ESRRB: variants seen among roughly 807,000 people sequenced by gnomAD.
The protein encoded by ESRRB is steroid hormone receptor ERR2.
A neutral mutation model predicts 46.0 loss-of-function variants in ESRRB; 16 were observed. That is an observed-to-expected ratio of 0.35 (90% CI 0.24 to 0.53). The LOEUF is 0.53. ESRRB is among the 20% of genes least tolerant of loss of function. The pLI, the probability that ESRRB is intolerant of heterozygous loss-of-function variation, is 0.93. For missense variants in ESRRB, 488 were observed against 607.4 expected (o/e 0.80, Z 2.07); for synonymous variants, 246 against 259.6 (o/e 0.95, Z 0.50).
chr14:76,332,791 AAT>A (rs369510698), intron 1 of ESRRB, among the ~76,000 whole-genome samples: 2 of 8,714 alleles, frequency 2.3e-4, no homozygotes. Context: ...ATTATATATA[AAT>A]ATATAATATA....
chr14:76,456,038 G>GCA (rs60824171), intron 2 of ESRRB, among the ~76,000 whole-genome samples: 7,348 of 137,148 alleles, frequency 0.054, 210 homozygotes, highest in South Asian at 0.079. Context: ...AGCGAAACTC[G>GCA]CACACACACA....
chr14:76,330,111 T>G (rs1436711146), intron 1 of ESRRB, among the ~76,000 whole-genome samples: 1 of 151,940 alleles, frequency 6.6e-6, no homozygotes, highest in Non-Finnish European at 1.5e-5. Context: ...CAGGGAGCCC[T>G]CCCTCTCTCT....
At chr14:76,315,832 C>A (rs1171763683) in intron 1 of ESRRB, among the ~76,000 whole-genome samples, 1 of 152,294 alleles carries the variant, frequency 6.6e-6, no homozygotes, top group African/African-American at 2.4e-5. Context: ...GACCTTACAG[C>A]ACTGTTTAAA....
intron 1 of ESRRB, among the ~76,000 whole-genome samples, chr14:76,380,392 G>A (rs1403720004): frequency 6.6e-6 from 1 of 152,168 alleles, no homozygotes; most frequent in Non-Finnish European, 1.5e-5. Flanking sequence ...CTTTTGGCCT[G>A]ACTCTGCAGC....
intron 1 of ESRRB, among the ~76,000 whole-genome samples, chr14:76,379,204 C>T (rs1256962160): frequency 6.6e-6 from 1 of 152,080 alleles, no homozygotes; most frequent in Non-Finnish European, 1.5e-5. Context: ...GACTCCATTA[C>T]CCATTCTAAT....
chr14:76,396,576 A>C (rs142228193), intron 1 of ESRRB, among the ~76,000 whole-genome samples: 2 of 152,374 alleles, frequency 1.3e-5, no homozygotes, highest in Non-Finnish European at 2.9e-5. Context: ...TAAGAAAAAC[A>C]TTGAAATACA....
intron 2 of ESRRB, among the ~76,000 whole-genome samples, chr14:76,441,408 C>T (rs1344039738): frequency 6.6e-6 from 1 of 152,150 alleles, no homozygotes; most frequent in Non-Finnish European, 1.5e-5. Context: ...GGCCTGCCCC[C>T]ACAGGGCTGT....
intron 3 of ESRRB, among the ~76,000 whole-genome samples, chr14:76,466,742 CA>C (rs201787148): frequency 1.3e-5 from 2 of 149,310 alleles, no homozygotes; most frequent in African/African-American, 4.9e-5. Context: ...TTGAGAAAGA[CA>C]AAAAAAAGCC....
chr14:76,487,414 T>G (rs2140042010), intron 5 of ESRRB, among the ~76,000 whole-genome samples: 1 of 152,300 alleles, frequency 6.6e-6, no homozygotes, highest in East Asian at 1.9e-4. Flanking sequence ...TGGCTGTCTT[T>G]CCACGTCCAC....
At chr14:76,457,204 C>T (rs1888649590) in intron 2 of ESRRB, among the ~76,000 whole-genome samples, 1 of 152,180 alleles carries the variant, frequency 6.6e-6, no homozygotes, top group South Asian at 2.1e-4. Context: ...AGGTCAGGTT[C>T]TACCAGTGCC....
At chr14:76,407,522 T>G in intron 1 of ESRRB, 1 of 985,370 alleles carries the variant, frequency 1.0e-6, no homozygotes, top group Non-Finnish European at 1.2e-6. Flanking sequence ...TTACTCTAGC[T>G]TTCCCATCTG....
At chr14:76,491,215 T>C (rs1890210655) in intron 5 of ESRRB, among the ~76,000 whole-genome samples, 1 of 152,226 alleles carries the variant, frequency 6.6e-6, no homozygotes, top group African/African-American at 2.4e-5. Context: ...CAACATTGAC[T>C]GAGCTCTCAT....
chr14:76,370,942 C>T (rs888672533), upstream of ESRRB, among the ~76,000 whole-genome samples: 4 of 152,050 alleles, frequency 2.6e-5, no homozygotes, highest in South Asian at 2.1e-4. Context: ...AAAAGAAAAA[C>T]GAATGGAGCT....
At chr14:76,322,427 G>A (rs8013256) in intron 1 of ESRRB, among the ~76,000 whole-genome samples, 81,990 of 152,056 alleles carry the variant, frequency 0.54, 24,450 homozygotes, top group Middle Eastern at 0.69. Flanking sequence ...CCGAAAGCAC[G>A]TGCTCATTTT....
intron 6 of ESRRB, among the ~76,000 whole-genome samples, chr14:76,496,326 G>T (rs1434181104): frequency 8.9e-6 from 1 of 112,378 alleles, no homozygotes; most frequent in Non-Finnish European, 2.0e-5. Flanking sequence ...GGCTCAAGGA[G>T]GGAAGAGTAA....
At chr14:76,310,913 G>C (rs1277403035) in exon 1 of ESRRB, 2 of 453,814 alleles carry the variant, frequency 4.4e-6, no homozygotes, top group Non-Finnish European at 8.8e-6. Context: ...CCAGCCCCAA[G>C]CATGTGAGTA....
chr14:76,358,387 GAAAGAAAGAA>G (rs1884420397), intron 1 of ESRRB, among the ~76,000 whole-genome samples: 2 of 58,368 alleles, frequency 3.4e-5, no homozygotes, highest in African/African-American at 1.3e-4. Context: ...AAGAAAGAAA[GAAAGAAAGAA>G]AGAAAGAAAG....
intron 1 of ESRRB, among the ~76,000 whole-genome samples, chr14:76,385,717 T>C (rs548592300): frequency 2.0e-5 from 3 of 152,374 alleles, no homozygotes; most frequent in East Asian, 3.9e-4. Context: ...GTTTCCTGTG[T>C]AAGTGGCATA....
chr14:76,412,490 C>T (rs745686574), intron 1 of ESRRB, among the ~76,000 whole-genome samples: 8 of 152,188 alleles, frequency 5.3e-5, no homozygotes, highest in Non-Finnish European at 8.8e-5. Context: ...TCCCACCCTA[C>T]CCTGGCTGGA....
Sources: gnomAD v4.1 joint callset for allele counts (sites outside exome capture counted in the v4.1 genomes callset) on GRCh38, gnomAD v4.1.1 for gene constraint, MANE v1.5 for transcripts, NCBI Gene and HGNC (gene_info 2026-07-23, HGNC 2026-07-21) for gene names.